Variants in TBC1D22A observed in about 807,000 individuals in gnomAD.
TBC1D22A encodes putative GTPase activator.
A neutral mutation model predicts 60.2 loss-of-function variants in TBC1D22A; 38 were observed. That is an observed-to-expected ratio of 0.63 (90% confidence interval 0.49 to 0.83). The LOEUF (loss-of-function observed/expected upper bound fraction) is 0.83, where lower values mean the gene tolerates loss of function less well. Ranked by LOEUF, TBC1D22A falls within the 40% of genes least tolerant of loss-of-function variation. TBC1D22A has a pLI of 0.00. For synonymous variants in TBC1D22A, 302 were observed against 281.7 expected (o/e 1.07, Z -0.72); for missense variants, 628 against 701.0 (o/e 0.90, Z 1.18).
At chr22:47,122,044 G>A (rs1445793404) in intron 12 of TBC1D22A, among the ~76,000 whole-genome samples, 1 of 152,216 alleles carries the variant, frequency 6.6e-6, no homozygotes, top group Non-Finnish European at 1.5e-5. Flanking sequence ...TCAACACAGA[G>A]CACACAGGCC....
intron 4 of TBC1D22A, among the ~76,000 whole-genome samples, chr22:46,842,890 G>A (rs2086831921): frequency 6.6e-6 from 1 of 152,234 alleles, no homozygotes; most frequent in African/African-American, 2.4e-5. Context: ...CAGTGTCTGG[G>A]TGACATCGAT....
At chr22:46,818,995 A>G (rs926599789) in intron 4 of TBC1D22A, among the ~76,000 whole-genome samples, 2 of 152,102 alleles carry the variant, frequency 1.3e-5, no homozygotes, top group Non-Finnish European at 2.9e-5. Context: ...CTTTGTAGCA[A>G]TTGTGAATGT....
chr22:47,051,650 GGA>G (rs1053307051), intron 11 of TBC1D22A, among the ~76,000 whole-genome samples: 76 of 152,342 alleles, frequency 5.0e-4, no homozygotes, highest in Non-Finnish European at 8.5e-4. Context: ...CTCTGTTGGA[GGA>G]GACCCTCTGT....
At chr22:46,866,230 AAG>A (rs2067046661) in intron 4 of TBC1D22A, among the ~76,000 whole-genome samples, 13 of 152,136 alleles carry the variant, frequency 8.5e-5, no homozygotes, top group Admixed American at 8.5e-4. Context: ...TCAGCCTCCC[AAG>A]TAGCTGGGAC....
intron 4 of TBC1D22A, among the ~76,000 whole-genome samples, chr22:46,813,937 CT>C (rs2147053431): frequency 6.6e-6 from 1 of 152,330 alleles, no homozygotes; most frequent in South Asian, 2.1e-4. Context: ...ATCTGAATCT[CT>C]TTGTCAGACA....
intron 12 of TBC1D22A, among the ~76,000 whole-genome samples, chr22:47,111,904 T>C (rs968989282): frequency 6.6e-6 from 1 of 152,170 alleles, no homozygotes; most frequent in Non-Finnish European, 1.5e-5. Flanking sequence ...ACCCCTGCAG[T>C]GTGCGGCTTG....
intron 11 of TBC1D22A, among the ~76,000 whole-genome samples, chr22:47,069,767 C>T (rs2147501760): frequency 1.1e-5 from 1 of 91,564 alleles, no homozygotes; most frequent in African/African-American, 4.9e-5. Flanking sequence ...ACGGTCCTGG[C>T]TGTTCCCTAT....
At chr22:46,829,637 G>A (rs2147146093) in intron 4 of TBC1D22A, among the ~76,000 whole-genome samples, 1 of 152,338 alleles carries the variant, frequency 6.6e-6, no homozygotes, top group South Asian at 2.1e-4. Flanking sequence ...CATAAAATAA[G>A]CATTTACAGT....
chr22:47,168,014 G>T lies in TBC1D22A; in HGVS notation c.1426-5484G>T, dbSNP rs547740020. Among the ~76,000 whole-genome samples the T allele has an allele frequency of 2.0e-5, 3 of 152,366 alleles. No individual in the cohort carries two copies. The East Asian group carries it at 5.8e-4, about 29-fold the overall frequency. ...AGATGAGGAAACTGAGGCATGGAGG[G>T]TTATGAGACTTGCCCAGGGTTGTGT... On this transcript the variant is annotated intron_variant, in intron 12 of 12. Transcript: ENST00000337137.
chr22:46,802,874 CG>C (rs1414014708), intron 4 of TBC1D22A, among the ~76,000 whole-genome samples: 3 of 151,398 alleles, frequency 2.0e-5, no homozygotes, highest in African/African-American at 4.9e-5. Context: ...CTGCGTGAGT[CG>C]GGGGCTGATG....
intron 1 of TBC1D22A, among the ~76,000 whole-genome samples, chr22:46,773,229 G>A (rs1290360457): frequency 6.6e-6 from 1 of 152,196 alleles, no homozygotes; most frequent in Non-Finnish European, 1.5e-5. Context: ...GGGGAGCCCA[G>A]GAACAGGAGC....
chr22:46,799,386 T>C (rs1180382832), intron 4 of TBC1D22A, among the ~76,000 whole-genome samples: 2 of 152,198 alleles, frequency 1.3e-5, no homozygotes, highest in Non-Finnish European at 2.9e-5. Flanking sequence ...GTTGGAGATA[T>C]ATCCCTTTAC....
chr22:46,941,108 TACACACACACACAC>T (rs145138507), intron 8 of TBC1D22A, among the ~76,000 whole-genome samples: 6,442 of 77,380 alleles, frequency 0.083, 484 homozygotes, highest in African/African-American at 0.23. Context: ...GGCACTAGCA[TACACACACACACAC>T]ACACACACAC....
chr22:46,786,201 G>T (rs1158905719), intron 1 of TBC1D22A, among the ~76,000 whole-genome samples: 1 of 152,142 alleles, frequency 6.6e-6, no homozygotes, highest in Non-Finnish European at 1.5e-5. Context: ...TTCCTAGTTT[G>T]TTGATAATTT....
At chr22:46,847,789 A>G (rs2087070791) in intron 4 of TBC1D22A, among the ~76,000 whole-genome samples, 1 of 152,208 alleles carries the variant, frequency 6.6e-6, no homozygotes, top group African/African-American at 2.4e-5. Flanking sequence ...CACTCATTCC[A>G]GGGAGGGAAA....
intron 4 of TBC1D22A, among the ~76,000 whole-genome samples, chr22:46,845,243 T>C (rs1026888134): frequency 6.6e-6 from 1 of 152,242 alleles, no homozygotes; most frequent in Non-Finnish European, 1.5e-5. Context: ...GATTCCATCT[T>C]TCTCTGTGCT....
intron 4 of TBC1D22A, among the ~76,000 whole-genome samples, chr22:46,836,508 A>G (rs1569109014): frequency 1.3e-5 from 2 of 152,076 alleles, no homozygotes; most frequent in Non-Finnish European, 1.5e-5. Flanking sequence ...GAAAAGAATC[A>G]AAGCATGCTA....
chr22:46,905,500 C>T (rs1194728059), intron 7 of TBC1D22A, among the ~76,000 whole-genome samples: 1 of 152,210 alleles, frequency 6.6e-6, no homozygotes, highest in Non-Finnish European at 1.5e-5. Context: ...AGTAGCCATC[C>T]CCTGGGCTAG....
intron 4 of TBC1D22A, among the ~76,000 whole-genome samples, chr22:46,861,546 T>G (rs2087887432): frequency 6.6e-6 from 1 of 152,094 alleles, no homozygotes; most frequent in African/African-American, 2.4e-5. Flanking sequence ...TCTCTTGTGG[T>G]TCTTGAATTT....
Sources: gnomAD v4.1 joint callset for allele counts (sites outside exome capture counted in the v4.1 genomes callset) on GRCh38, gnomAD v4.1.1 for gene constraint, MANE v1.5 for transcripts, NCBI Gene and HGNC (gene_info 2026-07-23, HGNC 2026-07-21) for gene names.